PTCH1: variants seen among roughly 807,000 people sequenced by gnomAD.
The protein encoded by PTCH1 is protein patched homolog 1.
In PTCH1, 14 loss-of-function variants were observed where a neutral mutation model predicts 144.6. That is an observed-to-expected ratio of 0.10 (90% CI 0.06 to 0.15). The LOEUF (loss-of-function observed/expected upper bound fraction) is 0.15. Among genes scored for constraint, PTCH1 ranks in the 10% least tolerant of loss-of-function variants. PTCH1 has a pLI of 1.00. For synonymous variants in PTCH1, 833 were observed against 793.6 expected, an observed-to-expected ratio of 1.05 and a Z score of -0.83; for missense variants, 1,623 against 1,948.3, an observed-to-expected ratio of 0.83 and a Z score of 3.14.
At chr9:95,448,750 G>A (rs1306309716) in intron 22 of PTCH1, among the ~76,000 whole-genome samples, 1 of 150,460 alleles carries the variant, frequency 6.6e-6, no homozygotes, top group African/African-American at 2.4e-5. Flanking sequence ...AAAAAGGCAG[G>A]AATGCTTTAT....
At chr9:95,486,587 C>T (rs1841979597) in intron 2 of PTCH1, among the ~76,000 whole-genome samples, 1 of 152,262 alleles carries the variant, frequency 6.6e-6, no homozygotes, top group Non-Finnish European at 1.5e-5. Context: ...CCCCAGGTGA[C>T]CCTGAACCTG....
Position 95,508,691 on chromosome 9 carries a change from G to A in PTCH1, c.-330C>T. ...AAGAGCGAGAGCCGGCGCGCCGAGCGAGCCTGTCCTTCGGGCGCTTCCGCG... is the reference window on the plus strand; with the variant it reads ...AAGAGCGAGAGCCGGCGCGCCGAGCAAGCCTGTCCTTCGGGCGCTTCCGCG... On this transcript the variant is annotated 5_prime_UTR_variant, in exon 1 of 24. Transcript: ENST00000331920. The A allele has an allele frequency of 1.0e-6, 1 of 987,136 alleles. No homozygotes were observed. Among genetic ancestry groups the A allele is most frequent in the Non-Finnish European group, 1.2e-6 (1 of 831,296 alleles). 61.1% of individuals were successfully genotyped at this position (987,136 alleles called of 1,614,324 possible).
At chr9:95,452,965 C>T (rs1838595509) in intron 20 of PTCH1, 1 of 183,102 alleles carries the variant, frequency 5.5e-6, no homozygotes, top group Non-Finnish European at 1.2e-5. Flanking sequence ...AATCCTTTAC[C>T]TTCTGTTTTC....
chr9:95,513,997 G>T (rs1467578985), upstream of PTCH1: 4 of 152,302 alleles, frequency 2.6e-5, no homozygotes, highest in Non-Finnish European at 4.4e-5. Context: ...CAGTGAGCTG[G>T]GGGTGGGGAA....
chr9:95,514,755 C>A (rs1844291921), intron 1 of PTCH1, among the ~76,000 whole-genome samples: 1 of 152,176 alleles, frequency 6.6e-6, no homozygotes, highest in African/African-American at 2.4e-5. Context: ...TTTTGTAAAA[C>A]AGCCTTTTTC....
chr9:95,449,488 G>T lies in PTCH1; in HGVS notation c.3550-165C>A, dbSNP rs757073964. The T allele has an allele frequency of 7.3e-6, 7 of 958,798 alleles. No individual in the cohort carries two copies. The highest frequency in any genetic ancestry group is 6.4e-5 in the Admixed American group (3 of 46,916). The allele number at this position is 958,798 out of a possible 1,614,324, so 59.4% of individuals were successfully genotyped here. A position where few individuals can be genotyped will look rare whatever the true frequency, so the allele number is the denominator to read the frequency against. On this transcript the variant is annotated intron_variant, in intron 21 of 23. Coordinates refer to ENST00000331920, the MANE Select transcript of PTCH1 (RefSeq NM_000264.5). The surrounding 1 kb of genome is among the most constrained non-coding windows in gnomAD (Gnocchi z 5.3). ...TTCTCTACCACCTGGAGGACCTTCA[G>T]GTCCCGCAGCTGGAGCAGAAGAACT...
At chr9:95,480,244 GCT>G (rs1588609206) in intron 6 of PTCH1, 144 bp downstream of exon 6, 1 of 1,516,894 alleles carries the variant, frequency 6.6e-7, no homozygotes, top group East Asian at 2.3e-5. Flanking sequence ...GCAAAATTTA[GCT>G]CTATAAATAA....
intron 2 of PTCH1, among the ~76,000 whole-genome samples, chr9:95,500,350 TG>T (rs1173602692): frequency 1.3e-5 from 2 of 152,208 alleles, no homozygotes; most frequent in African/African-American, 2.4e-5. Context: ...CAATCATTGG[TG>T]GCTTCTCATT....
At position 95,449,321 on chromosome 9, in the gene PTCH1, C is replaced by T. The variant is rs2136603020; in HGVS notation, c.3552G>A (p.Val1184=). The part of the protein sequence containing the change: ...LLSFFGPYPE[V]SPANGLNRLP... ...GGCGGTTCAAGCCGTTGGCTGGAGA[C>T]ACCTATTTAAGGGGATTCCATGTTA... The change falls in exon 22 of 24, where the codon GTG becomes GTA. Residue 1184 remains valine, a splice_region_variant and synonymous_variant. Transcript: ENST00000331920. The surrounding 1 kb of genome is among the most constrained non-coding windows in gnomAD (Gnocchi z 5.3). 2.6e-6 allele frequency: 4 copies of T among 1,548,594 alleles called. No homozygotes were observed. The highest frequency in any genetic ancestry group is 2.6e-6 in the Non-Finnish European group (3 of 1,148,552).
At chr9:95,511,622 A>C (rs1004170369), upstream of PTCH1, among the ~76,000 whole-genome samples, 1 of 152,346 alleles carries the variant, frequency 6.6e-6, no homozygotes, top group East Asian at 1.9e-4. Flanking sequence ...GGCGGGCAGC[A>C]TGCGAGGAAA....
At chr9:95,511,313 C>T (rs1289973480), upstream of PTCH1, among the ~76,000 whole-genome samples, 1 of 152,070 alleles carries the variant, frequency 6.6e-6, no homozygotes, top group Non-Finnish European at 1.5e-5. Flanking sequence ...CCCGCTCCCT[C>T]CCTCAATCTC....
chr9:95,514,885 C>G (rs969546397), intron 1 of PTCH1, among the ~76,000 whole-genome samples: 3 of 152,090 alleles, frequency 2.0e-5, no homozygotes, highest in African/African-American at 7.2e-5. Flanking sequence ...GAAGCTAATA[C>G]CCCAAATTGA....
intron 2 of PTCH1, among the ~76,000 whole-genome samples, chr9:95,495,780 A>T (rs1275874694): frequency 6.6e-6 from 1 of 152,168 alleles, no homozygotes; most frequent in Admixed American, 6.5e-5. Context: ...GGTGGGAAGA[A>T]AAACAAAACA....
At position 95,476,187 on chromosome 9, in the gene PTCH1, A is replaced by C. The variant is rs773993201; in HGVS notation, c.1603-28T>G. 3.1e-6 allele frequency: 5 copies of C among 1,603,232 alleles called. No individual in the cohort carries two copies. Among genetic ancestry groups the C allele is most frequent in the Non-Finnish European group, 4.3e-6 (5 of 1,175,836 alleles). ...GGGAATAAAAAAACACAGCGCTGAG[A>C]GCTGCACTGGACATGGTCCCCTTGG... On this transcript the variant is annotated intron_variant, in intron 11 of 23. Coordinates refer to ENST00000331920, the MANE Select transcript of PTCH1 (RefSeq NM_000264.5). The surrounding 1 kb of genome is among the most constrained non-coding windows in gnomAD (Gnocchi z 4.6).
chr9:95,466,965 T>C (rs1429452570), intron 15 of PTCH1, 151 bp downstream of exon 15: 3 of 850,612 alleles, frequency 3.5e-6, no homozygotes, highest in South Asian at 3.5e-5. Flanking sequence ...GCAGAAACAG[T>C]TCATGTAAGA....
chr9:95,462,385 T>A (rs1366797826), intron 15 of PTCH1, among the ~76,000 whole-genome samples: 1 of 152,118 alleles, frequency 6.6e-6, no homozygotes, highest in Non-Finnish European at 1.5e-5. Flanking sequence ...AGTTCTTCAA[T>A]ACAACCAGAA....
chr9:95,459,308 T>A (rs1289337320), intron 17 of PTCH1, among the ~76,000 whole-genome samples: 2 of 152,152 alleles, frequency 1.3e-5, no homozygotes, highest in African/African-American at 4.8e-5. Context: ...CCTGGAGGCG[T>A]CCCCGGTGTT....
At chr9:95,490,520 G>C (rs372413212) in intron 2 of PTCH1, among the ~76,000 whole-genome samples, 9,841 of 140,242 alleles carry the variant, frequency 0.07, 821 homozygotes, top group African/African-American at 0.19. Flanking sequence ...CCTTCTATGT[G>C]ACACACACAC....
chr9:95,450,910 T>C (rs1285775355), intron 20 of PTCH1: 1 of 151,990 alleles, frequency 6.6e-6, no homozygotes, highest in Non-Finnish European at 1.5e-5. Context: ...GGGCACAGAC[T>C]CCACGCAGGG....
Sources: gnomAD v4.1 joint callset for allele counts (sites outside exome capture counted in the v4.1 genomes callset) on GRCh38, gnomAD v4.1.1 for gene constraint, Gnocchi (gnomAD v3.1) non-coding constraint, MANE v1.5 for transcripts, NCBI Gene and HGNC (gene_info 2026-07-23, HGNC 2026-07-21) for gene names.